Variants in PKD2 observed in about 807,000 individuals in gnomAD.
PKD2 encodes the protein polycystin 2, transient receptor potential cation channel.
Under a neutral mutation model 105.9 loss-of-function variants are expected in PKD2, and 48 were observed. The observed-to-expected ratio is 0.45, with a 90% CI of 0.36 to 0.58. The LOEUF is 0.58. Ranked by LOEUF, PKD2 falls within the 20% of genes least tolerant of loss-of-function variation. The pLI is 0.00. For synonymous variants in PKD2, 464 were observed against 481.1 expected (o/e 0.96, Z 0.46); for missense variants, 1,078 against 1,255.3 (o/e 0.86, Z 2.13).
At chr4:88,049,063 A>G (rs112475961) in intron 6 of PKD2, among the ~76,000 whole-genome samples, 8 of 152,358 alleles carry the variant, frequency 5.3e-5, no homozygotes, top group African/African-American at 1.9e-4. Context: ...CTTCCTTTTT[A>G]TATTTTAACC....
rs1395639443 is a variant in PKD2 at position 88,033,001 on chromosome 4, CT to C, written c.710-3215del. On this transcript the variant is annotated intron_variant, in intron 2 of 14. Transcript: ENST00000237596. ...TCATTATGACTCCAAATTCAGGAGT[CT>C]TTTAGCTGCCACCTGCATGGGCTCT... Among the ~76,000 whole-genome samples, 3 of 152,260 alleles carry C rather than the reference CT, an allele frequency of 2.0e-5. No homozygotes were observed. The East Asian group carries it at 5.8e-4, about 29-fold the overall frequency.
At chr4:88,073,967 G>A (rs1387749712) in intron 13 of PKD2, among the ~76,000 whole-genome samples, 3 of 152,070 alleles carry the variant, frequency 2.0e-5, no homozygotes, top group Admixed American at 6.5e-5. Flanking sequence ...TAATAGAATT[G>A]TAAGTGAACA....
intron 12 of PKD2, among the ~76,000 whole-genome samples, chr4:88,066,562 A>G (rs1181492086): frequency 2.6e-5 from 4 of 152,032 alleles, no homozygotes; most frequent in Non-Finnish European, 5.9e-5. Flanking sequence ...GGGTTTCACC[A>G]TGTTGGTCTC....
At chr4:88,039,525 T>TGTG (rs1727475236) in intron 4 of PKD2, among the ~76,000 whole-genome samples, 1 of 151,770 alleles carries the variant, frequency 6.6e-6, no homozygotes, top group South Asian at 2.1e-4. Flanking sequence ...ATTAGCTGGG[T>TGTG]GTGGTGACAT....
chr4:88,035,649 C>T (rs1441246465), intron 2 of PKD2, among the ~76,000 whole-genome samples: 3 of 152,208 alleles, frequency 2.0e-5, no homozygotes, highest in African/African-American at 7.2e-5. Context: ...GGGTAACAAA[C>T]TCTGACCTCG....
intron 6 of PKD2, among the ~76,000 whole-genome samples, chr4:88,050,068 G>A (rs542948545): frequency 1.6e-4 from 24 of 147,902 alleles, no homozygotes; most frequent in African/African-American, 4.0e-4. Context: ...TCTGCCTCCC[G>A]GGTTCACGCC....
chr4:88,040,121 T>A (rs951108291), intron 4 of PKD2, among the ~76,000 whole-genome samples: 3 of 152,192 alleles, frequency 2.0e-5, no homozygotes, highest in African/African-American at 7.2e-5. Flanking sequence ...TCACCTCCAT[T>A]TTATAGATGA....
At chr4:88,031,635 A>G (rs948747462) in intron 2 of PKD2, among the ~76,000 whole-genome samples, 4 of 152,208 alleles carry the variant, frequency 2.6e-5, no homozygotes, top group African/African-American at 7.2e-5. Flanking sequence ...TTAATTTCTT[A>G]ACAGATATAT....
intron 10 of PKD2, among the ~76,000 whole-genome samples, chr4:88,063,952 C>T (rs1226045334): frequency 6.6e-6 from 1 of 151,938 alleles, no homozygotes; most frequent in Non-Finnish European, 1.5e-5. Flanking sequence ...GCCAGGAAGT[C>T]GAGACAAGCC....
chr4:88,019,964 G>T (rs1368134170), intron 2 of PKD2, among the ~76,000 whole-genome samples: 6 of 152,100 alleles, frequency 3.9e-5, no homozygotes, highest in Admixed American at 3.9e-4. Context: ...TTAGAATTTG[G>T]TCAAGTTCTC....
At chr4:88,060,049 G>C (rs1720513296) in intron 9 of PKD2, among the ~76,000 whole-genome samples, 1 of 152,170 alleles carries the variant, frequency 6.6e-6, no homozygotes, top group Non-Finnish European at 1.5e-5. Flanking sequence ...GGAGAGGAGG[G>C]TGAGCTAGCT....
At chr4:88,049,473 AT>A (rs986249572) in intron 6 of PKD2, among the ~76,000 whole-genome samples, 24 of 150,660 alleles carry the variant, frequency 1.6e-4, no homozygotes, top group African/African-American at 2.7e-4. Flanking sequence ...GTGTTTTTCA[AT>A]TTTTTTTTTA....
chr4:88,069,659 A>G (rs1207430064), intron 13 of PKD2, among the ~76,000 whole-genome samples: 1 of 152,102 alleles, frequency 6.6e-6, no homozygotes, highest in South Asian at 2.1e-4. Context: ...ACATTTTTAT[A>G]ACACACTGTG....
At chr4:88,041,232 A>C (rs1307720188) in intron 4 of PKD2, among the ~76,000 whole-genome samples, 1 of 152,084 alleles carries the variant, frequency 6.6e-6, no homozygotes, top group African/African-American at 2.4e-5. Context: ...CCAACTTCCA[A>C]ATCAGTTACC....
chr4:88,061,536 G>A (rs1254061525), intron 9 of PKD2, among the ~76,000 whole-genome samples: 1 of 152,060 alleles, frequency 6.6e-6, no homozygotes, highest in Non-Finnish European at 1.5e-5. Flanking sequence ...CCAGGAGTTC[G>A]AGACCAGCCT....
intron 5 of PKD2, among the ~76,000 whole-genome samples, chr4:88,046,372 C>T (rs151337224): frequency 2.0e-5 from 3 of 152,128 alleles, no homozygotes; most frequent in East Asian, 1.9e-4. Flanking sequence ...TGTTGAGCAG[C>T]GTAAATATAG....
Position 88,007,844 on chromosome 4 carries a change from C to T in PKD2, c.111C>T (p.Gly37=). The T allele has an allele frequency of 8.2e-7, 1 of 1,212,444 alleles. No homozygotes were observed. The highest frequency in any genetic ancestry group is 1.0e-6 in the Non-Finnish European group (1 of 976,586). The allele number at this position is 1,212,444 out of a possible 1,614,324, so 75.1% of individuals were successfully genotyped here. A position where few individuals can be genotyped will look rare whatever the true frequency, so the allele number is the denominator to read the frequency against. ...TGATGGCTGGCTGCGCGGCCGTGGG[C>T]GCCAGCCTCGCCGCCCCGGGCGGCC... ...GRLMAGCAAV[G]ASLAAPGGLC... The change falls in exon 1 of 15, where the codon GGC becomes GGT. Residue 37 remains glycine, a synonymous_variant. Coordinates refer to ENST00000237596, the MANE Select transcript of PKD2 (RefSeq NM_000297.4).
At chr4:88,017,581 T>C (rs1204719671) in intron 1 of PKD2, among the ~76,000 whole-genome samples, 1 of 152,080 alleles carries the variant, frequency 6.6e-6, no homozygotes, top group African/African-American at 2.4e-5. Flanking sequence ...GGCTAAGTTT[T>C]GTATTTTTAG....
chr4:88,031,462 G>A (rs1359165579), intron 2 of PKD2, among the ~76,000 whole-genome samples: 1 of 152,150 alleles, frequency 6.6e-6, no homozygotes, highest in Admixed American at 6.5e-5. Context: ...AAAACAGTTA[G>A]TTTTCCTGTG....
Sources: allele counts gnomAD v4.1 joint callset (sites outside exome capture counted in the v4.1 genomes callset), GRCh38; gene constraint gnomAD v4.1.1; transcripts MANE v1.5; gene names NCBI Gene and HGNC (gene_info 2026-07-23, HGNC 2026-07-21).